ACCSL: variants seen among roughly 807,000 people sequenced by gnomAD.
ACCSL encodes the protein probable inactive 1-aminocyclopropane-1-carboxylate synthase-like protein 2.
Under a neutral mutation model 61.7 loss-of-function variants are expected in ACCSL, and 55 were observed. That is an observed-to-expected ratio of 0.89 (90% CI 0.72 to 1.12). The LOEUF (loss-of-function observed/expected upper bound fraction) is 1.12. Among genes scored for constraint, ACCSL ranks in the 50% most tolerant of loss-of-function variants. The pLI, the probability that ACCSL is intolerant of heterozygous loss-of-function variation, is 0.00. For synonymous variants in ACCSL, 258 were observed against 264.3 expected (o/e 0.98, Z 0.23); for missense variants, 632 against 698.0 (o/e 0.91, Z 1.07).
At chr11:44,049,889 T>A in intron 1 of ACCSL, 173 bp from the exon 2 acceptor site, 3 of 765,026 alleles carry the variant, frequency 3.9e-6, no homozygotes, top group Non-Finnish European at 6.6e-6. Context: ...TGGGGAAATT[T>A]GCAAGCTGTA....
chr11:43,990,836 C>T, the ACCSL span, among the ~76,000 whole-genome samples: 165 of 152,086 alleles, frequency 1.1e-3, no homozygotes, highest in African/African-American at 3.7e-3. Flanking sequence ...TTTGGGAGGC[C>T]GAGGTGGGTG....
At chr11:43,932,415 G>A in the ACCSL span, among the ~76,000 whole-genome samples, 7 of 152,250 alleles carry the variant, frequency 4.6e-5, no homozygotes, top group East Asian at 1.9e-4. Flanking sequence ...CCACAGATGC[G>A]CACCAACATG....
At chr11:43,939,179 C>A in the ACCSL span, among the ~76,000 whole-genome samples, 2 of 152,198 alleles carry the variant, frequency 1.3e-5, no homozygotes, top group African/African-American at 4.8e-5. Flanking sequence ...ATTATAGGCT[C>A]AATAGGCATG....
At chr11:44,035,936 T>TAAAAAAAA in the ACCSL span, among the ~76,000 whole-genome samples, 10 of 79,038 alleles carry the variant, frequency 1.3e-4, no homozygotes, top group East Asian at 6.9e-4. Flanking sequence ...AGACTCTGTG[T>TAAAAAAAA]AAAAAAAAAA....
At chr11:43,931,193 C>T in the ACCSL span, among the ~76,000 whole-genome samples, 4 of 152,238 alleles carry the variant, frequency 2.6e-5, no homozygotes, top group South Asian at 8.3e-4. Context: ...GTGTACCCCC[C>T]ACGCCCCTGT....
the ACCSL span, among the ~76,000 whole-genome samples, chr11:43,940,401 G>A: frequency 6.6e-6 from 1 of 151,510 alleles, no homozygotes; most frequent in Non-Finnish European, 1.5e-5. Context: ...CATTGCCCAG[G>A]CTGGTGTGCA....
chr11:44,021,418 T>C, the ACCSL span, among the ~76,000 whole-genome samples: 3 of 152,230 alleles, frequency 2.0e-5, no homozygotes, highest in African/African-American at 7.2e-5. Flanking sequence ...ATATCTTCTT[T>C]TGAGAATTGT....
the ACCSL span, among the ~76,000 whole-genome samples, chr11:43,932,881 C>A: frequency 6.6e-6 from 1 of 152,216 alleles, no homozygotes; most frequent in African/African-American, 2.4e-5. Context: ...TAGCCACCCC[C>A]TTTGTCACCT....
the ACCSL span, among the ~76,000 whole-genome samples, chr11:44,042,244 A>C: frequency 6.6e-6 from 1 of 152,202 alleles, no homozygotes. Context: ...ATACTCCTTT[A>C]AATATATGGT....
chr11:44,045,872 GA>G (rs1420044576), upstream of ACCSL, among the ~76,000 whole-genome samples: 1 of 152,222 alleles, frequency 6.6e-6, no homozygotes, highest in African/African-American at 2.4e-5. Flanking sequence ...ACAGGGCAAA[GA>G]TACTCAATGT....
At chr11:44,003,388 C>T in the ACCSL span, among the ~76,000 whole-genome samples, 1 of 152,152 alleles carries the variant, frequency 6.6e-6, no homozygotes. Context: ...CATGGTGGCT[C>T]ACACCTGTAA....
At chr11:43,921,491 TA>T in the ACCSL span, among the ~76,000 whole-genome samples, 1 of 152,172 alleles carries the variant, frequency 6.6e-6, no homozygotes, top group Admixed American at 6.5e-5. Context: ...AGGAATAAAA[TA>T]AAGCCTCTTT....
chr11:43,948,884 C>G, the ACCSL span, among the ~76,000 whole-genome samples: 2 of 152,226 alleles, frequency 1.3e-5, no homozygotes, highest in African/African-American at 4.8e-5. Context: ...TTGACTGAGG[C>G]TGAACCCCCC....
chr11:43,930,112 G>A, the ACCSL span, among the ~76,000 whole-genome samples: 4 of 152,152 alleles, frequency 2.6e-5, no homozygotes, highest in Non-Finnish European at 4.4e-5. Flanking sequence ...AGGCAGGGCC[G>A]GATTCCCACC....
the ACCSL span, chr11:43,945,634 AG>A: frequency 6.6e-6 from 1 of 150,576 alleles, no homozygotes; most frequent in Non-Finnish European, 1.5e-5. Flanking sequence ...GCTTGAGCCC[AG>A]GAGTTCGAGA....
chr11:43,986,772 T>C, the ACCSL span, among the ~76,000 whole-genome samples: 1 of 152,194 alleles, frequency 6.6e-6, no homozygotes, highest in Non-Finnish European at 1.5e-5. Context: ...GGGATAATCC[T>C]TTATTTGCTC....
chr11:43,928,390 A>G, the ACCSL span, among the ~76,000 whole-genome samples: 5 of 152,220 alleles, frequency 3.3e-5, no homozygotes, highest in African/African-American at 9.6e-5. Context: ...CACAGGACTC[A>G]GCTACGAGGT....
chr11:43,942,028 ATTCG>A, the ACCSL span, among the ~76,000 whole-genome samples: 1 of 109,470 alleles, frequency 9.1e-6, no homozygotes, highest in Non-Finnish European at 1.9e-5. Flanking sequence ...ATGTGTTTGC[ATTCG>A]TGCGTGTGTG....
chr11:44,052,873 G>A (rs1565159078), intron 6 of ACCSL, 114 bp downstream of exon 6: 5 of 1,438,994 alleles, frequency 3.5e-6, no homozygotes, highest in Middle Eastern at 1.7e-4. Context: ...GGGTAGGGGT[G>A]GAGAAGGCAT....
Sources: gnomAD v4.1 joint callset for allele counts (sites outside exome capture counted in the v4.1 genomes callset) on GRCh38, gnomAD v4.1.1 for gene constraint, MANE v1.5 for transcripts, NCBI Gene and HGNC (gene_info 2026-07-23, HGNC 2026-07-21) for gene names.